Variants in CYFIP1 observed in about 807,000 individuals in gnomAD.
CYFIP1 encodes cytoplasmic FMR1-interacting protein 1.
In CYFIP1, 58 loss-of-function variants were observed where a neutral mutation model predicts 163.5. The observed-to-expected ratio is 0.35, with a 90% CI of 0.29 to 0.44. CYFIP1 has a LOEUF of 0.44. Among genes scored for constraint, CYFIP1 ranks in the 20% least tolerant of loss-of-function variants. CYFIP1 has a pLI of 1.00. For missense variants in CYFIP1, 1,338 were observed against 1,653.8 expected, an observed-to-expected ratio of 0.81 and a Z score of 3.31; for synonymous variants, 663 against 660.7, an observed-to-expected ratio of 1.00 and a Z score of -0.05.
At chr15:22,939,095 C>G (rs1273253334) in intron 8 of CYFIP1, 97 bp downstream of exon 8, 5 of 1,475,550 alleles carry the variant, frequency 3.4e-6, no homozygotes, top group African/African-American at 1.4e-5. Flanking sequence ...GCAAATAAGA[C>G]ACAGCTGTCA....
chr15:22,910,444 G>T, intron 20 of CYFIP1, 76 bp downstream of exon 20: 1 of 1,249,182 alleles, frequency 8.0e-7, no homozygotes, highest in Non-Finnish European at 1.2e-6. Context: ...ACAGGCGTGA[G>T]CCACCGCACC....
rs979026802 is a variant in CYFIP1 at position 22,917,511 on chromosome 15, G to A, written c.1674+277C>T. On this transcript the variant is annotated intron_variant, in intron 15 of 30. Transcript: ENST00000617928. This position sits in a 1 kb window ranked among gnomAD's most constrained non-coding sequence, Gnocchi z 4.2. ...AGAAACACAGAATGAATACAGACAC[G>A]TGGACTTGTGCCCACATTTTTGGGA... 3.3e-5 allele frequency: 18 copies of A among 549,870 alleles called. No homozygotes were observed. The highest frequency in any genetic ancestry group is 1.4e-4 in the East Asian group (4 of 29,616). The allele number at this position is 549,870 out of a possible 1,614,324, so 34.1% of individuals were successfully genotyped here. A position where few individuals can be genotyped will look rare whatever the true frequency, so the allele number is the denominator to read the frequency against.
In CYFIP1 at chr15:22,978,941, G is replaced by A. The variant is rs145387861; in HGVS notation, c.-7+1346C>T. Among the ~76,000 whole-genome samples, 534 of 152,224 alleles carry A rather than the reference G, an allele frequency of 3.5e-3. 4 individuals carry two copies. Among genetic ancestry groups the A allele is most frequent in the African/African-American group, 0.012 (503 of 41,526 alleles). On this transcript the variant is annotated intron_variant, in intron 1 of 30. Transcript: ENST00000617928. The stretch of plus-strand genomic sequence containing the variant: ...TGCGGTGGAAGTCACTACAGTCCAT[G>A]CACCTGCTACAGCTCACTGAACTGA...
rs1267694629 is a variant in CYFIP1, at chr15:22,896,504, C to T, written c.2589-3527G>A. Among the ~76,000 whole-genome samples the T allele has an allele frequency of 5.3e-5, 8 of 152,104 alleles. No homozygotes were observed. The East Asian group carries it at 7.7e-4, about 15-fold the overall frequency. On this transcript the variant is annotated intron_variant, in intron 22 of 30. Coordinates refer to ENST00000617928, the MANE Select transcript of CYFIP1 (RefSeq NM_014608.6). The stretch of plus-strand genomic sequence containing the variant: ...TTTGTCTCAGTTTGCTGAGGCCCTT[C>T]TCGTTTTTTTCATCATTTTTTTCTT...
At chr15:22,938,878 G>A (rs1418558971) in intron 8 of CYFIP1, among the ~76,000 whole-genome samples, 3 of 148,394 alleles carry the variant, frequency 2.0e-5, no homozygotes, top group African/African-American at 7.5e-5. Context: ...ACTCCAGCCT[G>A]GGCAAGAGCA....
chr15:22,980,630 G>A (rs1281503863), upstream of CYFIP1, among the ~76,000 whole-genome samples: 2 of 152,018 alleles, frequency 1.3e-5, no homozygotes, highest in African/African-American at 4.8e-5. Flanking sequence ...CGGGCGTGGG[G>A]TCCTCCTGCG....
At chr15:22,903,591 T>C (rs972421898) in intron 22 of CYFIP1, 115 bp downstream of exon 22, 1 of 1,108,956 alleles carries the variant, frequency 9.0e-7, no homozygotes, top group African/African-American at 1.5e-5. Context: ...ATGTGAGAAG[T>C]GATGGGGAGC....
At chr15:22,871,013 G>A (rs1483699515) in intron 30 of CYFIP1, among the ~76,000 whole-genome samples, 5 of 152,180 alleles carry the variant, frequency 3.3e-5, no homozygotes, top group Admixed American at 6.5e-5. Flanking sequence ...TGCCAACAGC[G>A]GCGGTGGGGT....
chr15:22,873,054 G>T, intron 29 of CYFIP1, 82 bp from the exon 30 acceptor site: 1 of 1,487,874 alleles, frequency 6.7e-7, no homozygotes, highest in Non-Finnish European at 9.2e-7. Context: ...AGATGTCAGT[G>T]ACCAAGCCAT....
At chr15:22,951,286 G>C (rs1454604596) in intron 1 of CYFIP1, 1 of 1,112,830 alleles carries the variant, frequency 9.0e-7, no homozygotes, top group Non-Finnish European at 1.1e-6. Flanking sequence ...TTCCTCACTA[G>C]AAATCTACAT....
rs1007469773 is a variant in CYFIP1 at position 22,917,014 on chromosome 15, T to G, written c.1675-384A>C. The G allele has an allele frequency of 2.6e-6, 4 of 1,548,766 alleles. No homozygotes were observed. Among genetic ancestry groups the G allele is most frequent in the Non-Finnish European group, 3.5e-6 (4 of 1,145,806 alleles). ...GCAGAGCCCAAGGACTCGGCCATGGTGCGCACCAGGTAGAGCTAGACACGG... is the reference window on the plus strand; with the variant it reads ...GCAGAGCCCAAGGACTCGGCCATGGGGCGCACCAGGTAGAGCTAGACACGG... On this transcript the variant is annotated intron_variant, in intron 15 of 30. Coordinates refer to ENST00000617928, the MANE Select transcript of CYFIP1 (RefSeq NM_014608.6). The surrounding 1 kb of genome is among the most constrained non-coding windows in gnomAD (Gnocchi z 4.2).
At chr15:22,929,852 C>T (rs1358686569) in intron 11 of CYFIP1, among the ~76,000 whole-genome samples, 2 of 150,666 alleles carry the variant, frequency 1.3e-5, no homozygotes, top group African/African-American at 2.4e-5. Flanking sequence ...AGGAGAATGG[C>T]GTGAACCTGG....
chr15:22,930,412 A>AAC (rs373888170), intron 11 of CYFIP1, among the ~76,000 whole-genome samples: 2 of 148,516 alleles, frequency 1.3e-5, no homozygotes, highest in Non-Finnish European at 3.0e-5. Context: ...AAAAAAAAAA[A>AAC]CTGTACTCCG....
chr15:22,899,855 C>T (rs1387125482), intron 22 of CYFIP1, among the ~76,000 whole-genome samples: 1 of 152,078 alleles, frequency 6.6e-6, no homozygotes, highest in Non-Finnish European at 1.5e-5. Flanking sequence ...CAAGACCAGC[C>T]TGGCTAACAT....
At chr15:22,877,290 C>T (rs977577466) in intron 26 of CYFIP1, among the ~76,000 whole-genome samples, 1 of 152,166 alleles carries the variant, frequency 6.6e-6, no homozygotes, top group Non-Finnish European at 1.5e-5. Flanking sequence ...TCTGTTCCCC[C>T]AGAGCTGAAG....
intron 30 of CYFIP1, among the ~76,000 whole-genome samples, chr15:22,871,885 G>A (rs1277065527): frequency 1.3e-5 from 2 of 152,200 alleles, no homozygotes; most frequent in Non-Finnish European, 2.9e-5. Context: ...AGACTGAGCA[G>A]AGGACCCAGC....
At chr15:22,897,512 T>C (rs1205789934) in intron 22 of CYFIP1, among the ~76,000 whole-genome samples, 1 of 151,610 alleles carries the variant, frequency 6.6e-6, no homozygotes, top group African/African-American at 2.4e-5. Flanking sequence ...TTTTTAAAGA[T>C]AGTCTCTGTC....
chr15:22,969,049 G>C (rs1011856109), intron 1 of CYFIP1, among the ~76,000 whole-genome samples: 2 of 152,116 alleles, frequency 1.3e-5, no homozygotes, highest in Admixed American at 6.5e-5. Flanking sequence ...TGCAAGGAGT[G>C]ACCACACAGG....
chr15:22,958,748 C>T (rs1390879308), intron 1 of CYFIP1, among the ~76,000 whole-genome samples: 1 of 152,216 alleles, frequency 6.6e-6, no homozygotes, highest in Non-Finnish European at 1.5e-5. Flanking sequence ...CTCCTGCTCA[C>T]GCTTTCACTG....
Sources: allele counts gnomAD v4.1 joint callset (sites outside exome capture counted in the v4.1 genomes callset), GRCh38; gene constraint gnomAD v4.1.1; non-coding constraint Gnocchi (gnomAD v3.1); transcripts MANE v1.5; gene names NCBI Gene and HGNC (gene_info 2026-07-23, HGNC 2026-07-21).